The following NAV2 variants were observed in gnomAD, a reference collection of about 807,000 sequenced individuals.
NAV2 encodes neuron navigator 2, also known as helicase, APC down-regulated 1.
Under a neutral mutation model 223.2 loss-of-function variants are expected in NAV2, and 54 were observed. The ratio of observed to expected loss-of-function variants is 0.24; its 90% CI spans 0.19 to 0.30. The LOEUF (loss-of-function observed/expected upper bound fraction) is 0.30, where lower values mean the gene tolerates loss of function less well. Among genes scored for constraint, NAV2 ranks in the 10% least tolerant of loss-of-function variants. NAV2 has a pLI of 1.00. For missense variants in NAV2, 2,806 were observed against 3,147.5 expected, an observed-to-expected ratio of 0.89 and a Z score of 2.60; for synonymous variants, 1,279 against 1,239.3, an observed-to-expected ratio of 1.03 and a Z score of -0.67.
At chr11:19,358,218 A>C (rs762298857) in intron 1 of NAV2, among the ~76,000 whole-genome samples, 1 of 152,206 alleles carries the variant, frequency 6.6e-6, no homozygotes, top group African/African-American at 2.4e-5. Flanking sequence ...CGGATGGCAG[A>C]GCAGGAGTAG....
At chr11:19,611,747 C>A (rs1275800057) in intron 1 of NAV2, among the ~76,000 whole-genome samples, 1 of 152,208 alleles carries the variant, frequency 6.6e-6, no homozygotes, top group Non-Finnish European at 1.5e-5. Context: ...TCCCTCCCAG[C>A]TGCTTTCACA....
chr11:19,639,159 C>T (rs952461144), intron 1 of NAV2, among the ~76,000 whole-genome samples: 1 of 152,198 alleles, frequency 6.6e-6, no homozygotes, highest in Non-Finnish European at 1.5e-5. Context: ...CATCATTCCC[C>T]AACAAAGATG....
chr11:19,867,185 A>G (rs1241649739), intron 3 of NAV2, among the ~76,000 whole-genome samples: 3 of 152,214 alleles, frequency 2.0e-5, no homozygotes, highest in African/African-American at 7.2e-5. Context: ...AAATGGGAGC[A>G]GATTGCTCCA....
At chr11:19,859,932 A>C (rs2061615691) in intron 3 of NAV2, among the ~76,000 whole-genome samples, 1 of 127,184 alleles carries the variant, frequency 7.9e-6, no homozygotes, top group African/African-American at 3.0e-5. Context: ...CTCACTTCCC[A>C]GTAGGGGCGG....
intron 1 of NAV2, among the ~76,000 whole-genome samples, chr11:19,379,777 C>T (rs1195870673): frequency 3.3e-5 from 5 of 152,098 alleles, no homozygotes; most frequent in Non-Finnish European, 7.4e-5. Context: ...TCGCATTCTC[C>T]TTTTTTTCTG....
chr11:19,993,347 G>A (rs1244881785), intron 11 of NAV2, among the ~76,000 whole-genome samples: 2 of 152,176 alleles, frequency 1.3e-5, no homozygotes, highest in African/African-American at 4.8e-5. Context: ...AAGAAAGAGA[G>A]CATGGTGAAC....
chr11:20,077,932 C>A, intron 23 of NAV2, 61 bp from the exon 24 acceptor site: 1 of 1,367,810 alleles, frequency 7.3e-7, no homozygotes, highest in Non-Finnish European at 1.0e-6. Context: ...CCAAGTTGTA[C>A]TTCAGTTGAA....
intron 1 of NAV2, among the ~76,000 whole-genome samples, chr11:19,352,287 G>T (rs928484572): frequency 2.6e-5 from 4 of 152,202 alleles, no homozygotes; most frequent in African/African-American, 9.6e-5. Flanking sequence ...TAATAGTTGT[G>T]AACAGAACCC....
At chr11:19,780,282 A>G (rs1314774014) in intron 1 of NAV2, among the ~76,000 whole-genome samples, 4 of 152,164 alleles carry the variant, frequency 2.6e-5, no homozygotes, top group Non-Finnish European at 4.4e-5. Flanking sequence ...CCCAGGTCCA[A>G]AGCACCCACT....
chr11:19,669,831 T>C (rs1395053814), intron 1 of NAV2, among the ~76,000 whole-genome samples: 1 of 152,192 alleles, frequency 6.6e-6, no homozygotes, highest in Non-Finnish European at 1.5e-5. Flanking sequence ...TGGTGACCCA[T>C]GGTGAGATGG....
chr11:19,931,609 A>AAAAAAAAAAAG lies in NAV2; in HGVS notation c.932-1567_932-1566insAAAAAAAAAAG, dbSNP rs10692495. On this transcript the variant is annotated intron_variant, in intron 6 of 37. Transcript: ENST00000349880. ...ACATAGGTATTTAAAAAAAAAAAAA[A>AAAAAAAAAAAG]GCAGAAGAAGCAGCCGTTAATCCCG... Among the ~76,000 whole-genome samples the AAAAAAAAAAAG allele has an allele frequency of 8.2e-3, 1,123 of 137,176 alleles. 74 individuals carry two copies. The highest frequency in any genetic ancestry group is 0.074 in the South Asian group (306 of 4,114). The allele number at this position is 137,176 out of a possible 152,430, so 90.0% of individuals were successfully genotyped here. A position where few individuals can be genotyped will look rare whatever the true frequency, so the allele number is the denominator to read the frequency against.
At chr11:19,880,272 C>A in intron 5 of NAV2, 145 bp downstream of exon 5, 1 of 1,170,184 alleles carries the variant, frequency 8.5e-7, no homozygotes, top group Non-Finnish European at 1.2e-6. Context: ...ATTAGCATGG[C>A]CTTGAAATGC....
chr11:19,432,790 G>A (rs1031100174), intron 1 of NAV2, among the ~76,000 whole-genome samples: 2 of 152,190 alleles, frequency 1.3e-5, no homozygotes, highest in African/African-American at 4.8e-5. Flanking sequence ...TTTCTGTGAG[G>A]CCCAGGTTCT....
intron 1 of NAV2, among the ~76,000 whole-genome samples, chr11:19,371,999 G>C (rs1363538847): frequency 6.6e-6 from 1 of 151,990 alleles, no homozygotes; most frequent in Non-Finnish European, 1.5e-5. Context: ...GGCTGGTCTG[G>C]AACTCCTGAT....
intron 1 of NAV2, among the ~76,000 whole-genome samples, chr11:19,410,940 T>A (rs1464198060): frequency 6.6e-6 from 1 of 152,194 alleles, no homozygotes; most frequent in Non-Finnish European, 1.5e-5. Flanking sequence ...TTTCTTTAGC[T>A]AGTCTGAAAT....
intron 5 of NAV2, among the ~76,000 whole-genome samples, chr11:19,892,003 G>A (rs988121613): frequency 6.6e-6 from 1 of 152,092 alleles, no homozygotes; most frequent in Admixed American, 6.5e-5. Context: ...CTGTCACCCA[G>A]GCTGGAGTGC....
At chr11:19,574,167 G>A (rs1257296093) in intron 1 of NAV2, among the ~76,000 whole-genome samples, 1 of 152,226 alleles carries the variant, frequency 6.6e-6, no homozygotes, top group African/African-American at 2.4e-5. Context: ...AAGTTACTGA[G>A]CATTCCTGGT....
intron 1 of NAV2, among the ~76,000 whole-genome samples, chr11:19,594,567 A>T (rs2046154345): frequency 6.6e-6 from 1 of 152,034 alleles, no homozygotes; most frequent in Non-Finnish European, 1.5e-5. Flanking sequence ...CCAACATGGT[A>T]GTGAATAGTG....
intron 5 of NAV2, among the ~76,000 whole-genome samples, chr11:19,890,733 G>T (rs1383752935): frequency 6.6e-6 from 1 of 152,168 alleles, no homozygotes; most frequent in African/African-American, 2.4e-5. Context: ...AACATTGTTT[G>T]CATTGGAAGC....
Sources: gnomAD v4.1 joint callset for allele counts (sites outside exome capture counted in the v4.1 genomes callset) on GRCh38, gnomAD v4.1.1 for gene constraint, MANE v1.5 for transcripts, NCBI Gene and HGNC (gene_info 2026-07-23, HGNC 2026-07-21) for gene names.